PLA2G12B: variants seen among roughly 807,000 people sequenced by gnomAD.
PLA2G12B encodes the protein phospholipase A2 group XIIB.
Under a neutral mutation model 22.3 loss-of-function variants are expected in PLA2G12B, and 19 were observed. The ratio of observed to expected loss-of-function variants is 0.85; its 90% CI spans 0.60 to 1.25. PLA2G12B has a LOEUF of 1.25. Ranked by LOEUF, PLA2G12B falls within the 50% of genes most tolerant of loss-of-function variation. The pLI, the probability that PLA2G12B is intolerant of heterozygous loss-of-function variation, is 0.00. For missense variants in PLA2G12B, 191 were observed against 246.6 expected (o/e 0.77, Z 1.51); for synonymous variants, 81 against 94.9 (o/e 0.85, Z 0.85).
intron 3 of PLA2G12B, 116 bp from the exon 4 acceptor site, chr10:72,935,854 AAAGG>A (rs1303236372): frequency 7.6e-7 from 1 of 1,314,180 alleles, no homozygotes. Flanking sequence ...TACAGAATTC[AAAGG>A]AAGAGCATCC....
At chr10:72,944,381 C>T (rs1004397713) in intron 1 of PLA2G12B, among the ~76,000 whole-genome samples, 1 of 152,160 alleles carries the variant, frequency 6.6e-6, no homozygotes, top group African/African-American at 2.4e-5. Flanking sequence ...TCGTATCATT[C>T]TGCAAAATTG....
Position 72,935,679 on chromosome 10 carries a change from G to T in PLA2G12B, c.526C>A (p.Pro176Thr), listed in dbSNP as rs1342699120. The stretch of plus-strand genomic sequence containing the variant: ...GCTGCCCGCTGACTATTCATAAAGG[G>T]GCGGCAGCCCAAGGTCCACACGGTG... Reference protein sequence around the residue: ...FNTVWTLGCRPFMNSQRAACI... With the variant: ...FNTVWTLGCRTFMNSQRAACI... The change falls in exon 4 of 4, where the codon CCC becomes ACC. Residue 176 changes from proline to threonine, a missense_variant. Pro to Thr is a conservative substitution (Grantham distance 38). Transcript: ENST00000373032. 1.9e-6 allele frequency: 3 copies of T among 1,614,048 alleles called. No homozygotes were observed. Among genetic ancestry groups the T allele is most frequent in the Non-Finnish European group, 2.5e-6 (3 of 1,180,044 alleles).
At chr10:72,946,336 A>G (rs985508989) in intron 1 of PLA2G12B, among the ~76,000 whole-genome samples, 1 of 152,212 alleles carries the variant, frequency 6.6e-6, no homozygotes, top group African/African-American at 2.4e-5. Flanking sequence ...TAGACATACC[A>G]CATTTTTTTA....
At chr10:72,954,420 C>G in intron 1 of PLA2G12B, 55 bp downstream of exon 1, 1 of 1,608,142 alleles carries the variant, frequency 6.2e-7, no homozygotes, top group Non-Finnish European at 8.5e-7. Flanking sequence ...CTCTCTGGGG[C>G]TGTCCATGGG....
intron 2 of PLA2G12B, 115 bp downstream of exon 2, chr10:72,942,537 A>G: frequency 1.3e-6 from 1 of 798,272 alleles, no homozygotes. Flanking sequence ...AATTTAAAAT[A>G]CTTAATTGTA....
chr10:72,952,464 C>G (rs1846547669), intron 1 of PLA2G12B, among the ~76,000 whole-genome samples: 1 of 152,224 alleles, frequency 6.6e-6, no homozygotes, highest in Admixed American at 6.5e-5. Context: ...GCCCAGAGAT[C>G]TGGTTGAATC....
chr10:72,935,404 T>C lies in PLA2G12B; in HGVS notation c.*213A>G. On this transcript the variant is annotated 3_prime_UTR_variant, in exon 4 of 4. Coordinates refer to ENST00000373032, the MANE Select transcript of PLA2G12B (RefSeq NM_032562.5). ...CTTGGTTGGGGAGAGCAGTCTTAAA[T>C]GAAGAGTAGCTTTCAAACCACTCCA... 1.7e-6 allele frequency: 1 copy of C among 597,146 alleles called. No individual in the cohort carries two copies. The highest frequency in any genetic ancestry group is 2.7e-6 in the Non-Finnish European group (1 of 366,694). 37.0% of individuals were successfully genotyped at this position (597,146 alleles called of 1,614,324 possible).
At chr10:72,946,320 A>C (rs1218772630) in intron 1 of PLA2G12B, among the ~76,000 whole-genome samples, 1 of 152,218 alleles carries the variant, frequency 6.6e-6, no homozygotes, top group African/African-American at 2.4e-5. Context: ...AAAACCTTCC[A>C]TTGTATAGAC....
Position 72,935,324 on chromosome 10 carries a change from G to A in PLA2G12B, c.*293C>T. ...TAACTATCAGGTCCAGGAATTGCAG[G>A]GTTTGCTTGCATTTTAGTCTTTAAG... On this transcript the variant is annotated 3_prime_UTR_variant, in exon 4 of 4. Transcript: ENST00000373032. 3.7e-6 allele frequency: 1 copy of A among 271,194 alleles called. No homozygotes were observed. Among genetic ancestry groups the A allele is most frequent in the Non-Finnish European group, 6.9e-6 (1 of 144,478 alleles). 16.8% of individuals were successfully genotyped at this position (271,194 alleles called of 1,614,324 possible).
intron 3 of PLA2G12B, among the ~76,000 whole-genome samples, chr10:72,938,494 A>T (rs1412774279): frequency 6.6e-6 from 1 of 152,216 alleles, no homozygotes; most frequent in African/African-American, 2.4e-5. Flanking sequence ...GGGTTGCAGG[A>T]TATAAGATCA....
At position 72,954,320 on chromosome 10, in the gene PLA2G12B, T is replaced by A. The variant is rs142933721; in HGVS notation, c.211+155A>T. Among the ~76,000 whole-genome samples the A allele has an allele frequency of 5.8e-4, 88 of 152,330 alleles. No homozygotes were observed. The East Asian group carries it at 0.016, about 28-fold the overall frequency. ...TGACTTATTTGTTGTTTATTTGGAT[T>A]TCACATTTCACTGGGTGTCCTACAT... On this transcript the variant is annotated intron_variant, in intron 1 of 3. Transcript: ENST00000373032.
rs539160740 is a variant in PLA2G12B, at chr10:72,941,105, A to G, written c.466+64T>C. ...CTCTTCGAGTCAAGGGGTTCTGGCT[A>G]TATCTCGGTGTGAAAACAGGAACAA... is the stretch of plus-strand genomic sequence containing the variant. On this transcript the variant is annotated intron_variant, in intron 3 of 3. Transcript: ENST00000373032. 2.3e-5 allele frequency: 35 copies of G among 1,501,844 alleles called. No individual in the cohort carries two copies. The Admixed American group carries it at 4.1e-4, about 17-fold the overall frequency. 93.0% of individuals were successfully genotyped at this position (1,501,844 alleles called of 1,614,324 possible). A position where few individuals can be genotyped will look rare whatever the true frequency, so the allele number is the denominator to read the frequency against.
chr10:72,948,523 G>A (rs1846478072), intron 1 of PLA2G12B, among the ~76,000 whole-genome samples: 1 of 152,180 alleles, frequency 6.6e-6, no homozygotes, highest in Non-Finnish European at 1.5e-5. Context: ...GCTTATGGTT[G>A]ATGTTTTAAG....
intron 1 of PLA2G12B, among the ~76,000 whole-genome samples, chr10:72,953,572 T>C (rs1469663690): frequency 6.6e-6 from 1 of 152,170 alleles, no homozygotes; most frequent in Non-Finnish European, 1.5e-5. Flanking sequence ...CCTGAGACTG[T>C]GCATGCTTTG....
intron 3 of PLA2G12B, among the ~76,000 whole-genome samples, chr10:72,938,993 C>T (rs1399437852): frequency 6.6e-6 from 1 of 152,194 alleles, no homozygotes; most frequent in Middle Eastern, 3.2e-3. Context: ...AGAAATAAAT[C>T]CTAACCTTTA....
rs1387565579 is a variant in PLA2G12B at position 72,954,577 on chromosome 10, G to A, written c.109C>T (p.Arg37Trp). The change falls in exon 1 of 4, where the codon CGG becomes TGG. Residue 37 changes from arginine (R) to tryptophan (W), a missense_variant. Physicochemically the swap from Arg to Trp is moderately radical, Grantham distance 101. Coordinates refer to ENST00000373032, the MANE Select transcript of PLA2G12B (RefSeq NM_032562.5). ...GATTCAAAGCTTCCCCGGAGGTGCCGAAGGCCCCAGTCTGAATAGGACTCC... is the reference window on the plus strand; with the variant it reads ...GATTCAAAGCTTCCCCGGAGGTGCCAAAGGCCCCAGTCTGAATAGGACTCC... ...TEESYSDWGL[R>W]HLRGSFESVN... 1.1e-5 allele frequency: 17 copies of A among 1,614,158 alleles called. No individual in the cohort carries two copies. The highest frequency in any genetic ancestry group is 1.3e-5 in the Non-Finnish European group (15 of 1,180,046).
In PLA2G12B at chr10:72,942,659, GGT is replaced by G; in HGVS notation, c.291_292del (p.Pro98ArgfsTer22). The G allele has an allele frequency of 3.1e-6, 5 of 1,603,068 alleles. No homozygotes were observed. The highest frequency in any genetic ancestry group is 3.4e-6 in the Non-Finnish European group (4 of 1,174,644). ...AATGCTGGCAGTACATACACTTTCT[GGT>G]ACCTTGAGACCCAGGAAATAGGAGC... On this transcript the variant is annotated frameshift_variant, in exon 2 of 4. Coordinates refer to ENST00000373032, the MANE Select transcript of PLA2G12B (RefSeq NM_032562.5). LOFTEE classifies it high-confidence loss of function.
In PLA2G12B at chr10:72,941,193, G is replaced by A; in HGVS notation, c.442C>T (p.Leu148=). The change falls in exon 3 of 4, where the codon CTG becomes TTG. Residue 148 remains leucine (L), a synonymous_variant. Coordinates refer to ENST00000373032, the MANE Select transcript of PLA2G12B (RefSeq NM_032562.5). ...HSICSDLKRS[L]GFVSKVEAAC... is the part of the protein sequence containing the mutation. ...CCTTCCACTTTGGAGACAAAGCCCA[G>A]ACTCCGCTTAAGGTCAGAGCAGATC... 6.2e-7 allele frequency: 1 copy of A among 1,614,080 alleles called. No individual in the cohort carries two copies. Among genetic ancestry groups the A allele is most frequent in the Non-Finnish European group, 8.5e-7 (1 of 1,179,994 alleles).
At chr10:72,946,555 C>T (rs949934712) in intron 1 of PLA2G12B, among the ~76,000 whole-genome samples, 3 of 152,222 alleles carry the variant, frequency 2.0e-5, no homozygotes, top group Non-Finnish European at 4.4e-5. Flanking sequence ...ACATTCCCAG[C>T]AGCAATGCGT....
Sources: gnomAD v4.1 joint callset for allele counts (sites outside exome capture counted in the v4.1 genomes callset) on GRCh38, gnomAD v4.1.1 for gene constraint, MANE v1.5 for transcripts, NCBI Gene and HGNC (gene_info 2026-07-23, HGNC 2026-07-21) for gene names.